Variants in SPOCK1 observed in about 807,000 individuals in gnomAD.
SPOCK1 encodes the protein testican-1.
Under a neutral mutation model 55.3 loss-of-function variants are expected in SPOCK1, and 23 were observed. The ratio of observed to expected loss-of-function variants is 0.42; its 90% confidence interval spans 0.30 to 0.59. SPOCK1 has a LOEUF of 0.59. Among genes scored for constraint, SPOCK1 ranks in the 20% least tolerant of loss-of-function variants. SPOCK1 has a pLI of 0.22. For synonymous variants in SPOCK1, 226 were observed against 221.0 expected (o/e 1.02, Z -0.20); for missense variants, 499 against 552.5 (o/e 0.90, Z 0.97).
intron 3 of SPOCK1, among the ~76,000 whole-genome samples, chr5:137,144,765 C>A (rs1365648704): frequency 6.6e-6 from 1 of 152,008 alleles, no homozygotes; most frequent in East Asian, 1.9e-4. Context: ...TAATAAGTGG[C>A]ATTTGAGAGG....
At position 137,297,605 on chromosome 5, in the gene SPOCK1, T is replaced by C. The variant is rs1220236942; in HGVS notation, c.187-30550A>G. On this transcript the variant is annotated intron_variant, in intron 2 of 10. Transcript: ENST00000394945. ...CTTTTGTGAGGGGAGGGGTCCCTTC[T>C]GGCCTAGTAGAGGGCCTGGCCTGCA... Among the ~76,000 whole-genome samples the C allele has an allele frequency of 2.6e-5, 4 of 152,260 alleles. No individual in the cohort carries two copies. In the East Asian group the frequency reaches 7.7e-4, roughly 29 times the overall value.
At chr5:137,028,310 GA>G (rs1751715304) in intron 6 of SPOCK1, among the ~76,000 whole-genome samples, 2 of 152,208 alleles carry the variant, frequency 1.3e-5, no homozygotes, top group Admixed American at 1.3e-4. Context: ...TGTCCCAGAG[GA>G]AATGTAATTC....
chr5:137,350,849 G>A (rs1186151712), intron 2 of SPOCK1, among the ~76,000 whole-genome samples: 2 of 152,002 alleles, frequency 1.3e-5, no homozygotes, highest in Non-Finnish European at 2.9e-5. Context: ...GTGTAATGTA[G>A]CATCAAAGTG....
At chr5:137,009,619 A>T (rs1200315083) in intron 6 of SPOCK1, among the ~76,000 whole-genome samples, 2 of 152,146 alleles carry the variant, frequency 1.3e-5, no homozygotes, top group African/African-American at 2.4e-5. Flanking sequence ...AACATAAGAG[A>T]CTTGTTAGCT....
At chr5:137,120,873 A>T (rs1753671714) in intron 4 of SPOCK1, among the ~76,000 whole-genome samples, 2 of 152,226 alleles carry the variant, frequency 1.3e-5, no homozygotes, top group Non-Finnish European at 2.9e-5. Flanking sequence ...TCACAGTCAG[A>T]GAAAGATCTC....
intron 3 of SPOCK1, among the ~76,000 whole-genome samples, chr5:137,251,761 A>C (rs78610056): frequency 0.024 from 3,616 of 152,318 alleles, 161 homozygotes; most frequent in African/African-American, 0.083. Context: ...GCATAAAAAA[A>C]TTATAAAGCA....
intron 3 of SPOCK1, among the ~76,000 whole-genome samples, chr5:137,200,601 G>A (rs1395050641): frequency 6.6e-6 from 1 of 152,146 alleles, no homozygotes; most frequent in Admixed American, 6.5e-5. Context: ...GTGAATGGGA[G>A]TAAATGGATG....
intron 4 of SPOCK1, among the ~76,000 whole-genome samples, chr5:137,134,287 C>T (rs1753940197): frequency 6.6e-6 from 1 of 152,214 alleles, no homozygotes; most frequent in Admixed American, 6.5e-5. Flanking sequence ...CAACCTTGAG[C>T]CAGCCACTTT....
At chr5:137,107,584 C>A (rs943702477) in intron 5 of SPOCK1, among the ~76,000 whole-genome samples, 7 of 152,186 alleles carry the variant, frequency 4.6e-5, no homozygotes, top group Non-Finnish European at 8.8e-5. Context: ...CTGTGCCTTT[C>A]TGTGCACTTT....
chr5:137,155,258 G>C (rs1754393078), intron 3 of SPOCK1, among the ~76,000 whole-genome samples: 1 of 152,172 alleles, frequency 6.6e-6, no homozygotes, highest in Admixed American at 6.5e-5. Context: ...TCCTGAAATT[G>C]TGTTGCCTCT....
At position 137,050,513 on chromosome 5, in the gene SPOCK1, C is replaced by T. The variant is rs965963132; in HGVS notation, c.589+17202G>A. ...CCTGCTTCGGCTCGCGCACGGTGCG[C>T]GCACCCACTGGCCTGCGCCCACTGT... is the stretch of plus-strand genomic sequence containing the variant. On this transcript the variant is annotated intron_variant, in intron 6 of 10. Coordinates refer to ENST00000394945, the MANE Select transcript of SPOCK1 (RefSeq NM_004598.4). Among the ~76,000 whole-genome samples the T allele has an allele frequency of 8.6e-5, 13 of 151,162 alleles. No homozygotes were observed. The East Asian group carries it at 1.6e-3, about 19-fold the overall frequency.
intron 2 of SPOCK1, among the ~76,000 whole-genome samples, chr5:137,360,979 T>A (rs144543859): frequency 3.3e-4 from 51 of 152,320 alleles, no homozygotes; most frequent in African/African-American, 1.2e-3. Flanking sequence ...AAAAGAACCC[T>A]AGCCCCCAGT....
intron 2 of SPOCK1, among the ~76,000 whole-genome samples, chr5:137,435,497 G>C (rs1403423669): frequency 1.3e-5 from 2 of 151,858 alleles, no homozygotes; most frequent in East Asian, 1.9e-4. Context: ...ACAGATTTTT[G>C]ATACACTATT....
intron 2 of SPOCK1, among the ~76,000 whole-genome samples, chr5:137,459,176 T>C (rs1430542645): frequency 2.0e-5 from 3 of 152,058 alleles, no homozygotes; most frequent in Non-Finnish European, 4.4e-5. Flanking sequence ...TGTCGTGTAG[T>C]CTTCTGCGAG....
intron 3 of SPOCK1, among the ~76,000 whole-genome samples, chr5:137,152,210 T>G (rs1754330208): frequency 3.3e-5 from 5 of 152,208 alleles, no homozygotes; most frequent in Admixed American, 3.3e-4. Context: ...TTTTTACGTT[T>G]TGTGTGTGTG....
chr5:137,183,697 A>G (rs1755014136), intron 3 of SPOCK1, among the ~76,000 whole-genome samples: 3 of 152,218 alleles, frequency 2.0e-5, no homozygotes, highest in Non-Finnish European at 4.4e-5. Context: ...GAAGGCTGAG[A>G]GAGCCTCAAT....
rs1754270333 is a variant in SPOCK1, at chr5:137,149,500, A to G, written c.233-8806T>C. ...AAAAGAACCAATTCTATAACCTAAG[A>G]GAATAAGAGGGCATAAAAAGCATAG... On this transcript the variant is annotated intron_variant, in intron 3 of 10. Coordinates refer to ENST00000394945, the MANE Select transcript of SPOCK1 (RefSeq NM_004598.4). 5.9e-5 allele frequency among the ~76,000 whole-genome samples: 9 copies of G among 152,250 alleles called. No individual in the cohort carries two copies. The South Asian group carries it at 1.9e-3, about 31-fold the overall frequency.
rs115157961 is a variant in SPOCK1, at chr5:137,123,527, G to T, written c.348-10966C>A. ...TTGTACAGACAAGATGCTCAAAATT[G>T]TGTCAGCACAGGGAGTAGTAAGCCA... On this transcript the variant is annotated intron_variant, in intron 4 of 10. Transcript: ENST00000394945. Among the ~76,000 whole-genome samples the T allele has an allele frequency of 2.5e-3, 375 of 152,274 alleles. 1 individual carries two copies. The highest frequency in any genetic ancestry group is 8.6e-3 in the African/African-American group (357 of 41,554).
chr5:137,096,817 G>A (rs754273871), intron 5 of SPOCK1, among the ~76,000 whole-genome samples: 2 of 152,172 alleles, frequency 1.3e-5, no homozygotes, highest in South Asian at 4.1e-4. Context: ...CCCCTCCCAG[G>A]TTAGTGTGAA....
Sources: gnomAD v4.1 joint callset for allele counts (sites outside exome capture counted in the v4.1 genomes callset) on GRCh38, gnomAD v4.1.1 for gene constraint, MANE v1.5 for transcripts, NCBI Gene and HGNC (gene_info 2026-07-23, HGNC 2026-07-21) for gene names.